The following CLCN5 variants were observed in gnomAD, a reference collection of about 807,000 sequenced individuals.
CLCN5 encodes Cl-/H+ antiporter 5.
In CLCN5, 17 loss-of-function variants were observed where a neutral mutation model predicts 54.0. The ratio of observed to expected loss-of-function variants is 0.31; its 90% CI spans 0.22 to 0.47. The LOEUF (loss-of-function observed/expected upper bound fraction) is 0.47, where lower values mean the gene tolerates loss of function less well. Ranked by LOEUF, CLCN5 falls within the 20% of genes least tolerant of loss-of-function variation. CLCN5 has a pLI of 1.00. For synonymous variants in CLCN5, 222 were observed against 233.0 expected, an observed-to-expected ratio of 0.95 and a Z score of 0.43; for missense variants, 448 against 646.7, an observed-to-expected ratio of 0.69 and a Z score of 3.33.
At chrX:50,065,447 CA>C (rs1278640856) in intron 4 of CLCN5, among the ~76,000 whole-genome samples, 2 of 87,630 alleles carry the variant, frequency 2.3e-5, no homozygotes, top group Non-Finnish European at 4.4e-5. Context: ...AAATGCAAAT[CA>C]AAACCACTAT....
intron 4 of CLCN5, among the ~76,000 whole-genome samples, chrX:50,058,079 A>C (rs1602096486): frequency 8.9e-6 from 1 of 112,039 alleles, no homozygotes; most frequent in African/African-American, 3.2e-5. Flanking sequence ...AATTTTTTGT[A>C]CATTTGGTTC....
chrX:49,959,421 T>C (rs1258118790), intron 3 of CLCN5, among the ~76,000 whole-genome samples: 2 of 112,281 alleles, frequency 1.8e-5, no homozygotes, highest in East Asian at 5.6e-4. Context: ...AAGCATGTTA[T>C]TTCCTGGCTG....
In CLCN5 at chrX:49,972,112, GGTGTGTGTGTGT is replaced by G. The variant is rs61157983; in HGVS notation, c.16+46835_16+46846del. 1.5e-3 allele frequency among the ~76,000 whole-genome samples: 126 copies of G among 86,589 alleles called. 1 individual carries two copies. The highest frequency in any genetic ancestry group is 5.8e-3 in the Middle Eastern group (1 of 173). The allele number at this position is 86,589 out of a possible 115,157, so 75.2% of individuals were successfully genotyped here. ...ATTTGCTTTATCATATGCATTCTCT[GGTGTGTGTGTGT>G]GTGTGTGTGTGTGTGTGTGTGTGTG... On this transcript the variant is annotated intron_variant, in intron 3 of 14. Transcript: ENST00000376091.
intron 3 of CLCN5, among the ~76,000 whole-genome samples, chrX:49,940,992 T>C: frequency 9.0e-6 from 1 of 111,720 alleles, no homozygotes; most frequent in Non-Finnish European, 1.9e-5. Context: ...ATACCATTAC[T>C]GGAAAGATTA....
intron 3 of CLCN5, among the ~76,000 whole-genome samples, chrX:49,979,153 AC>A (rs781905264): frequency 6.3e-5 from 7 of 111,637 alleles, no homozygotes; most frequent in African/African-American, 1.9e-4. Context: ...AGAAGGGAAT[AC>A]CTTCCCTACA....
At chrX:49,976,753 A>G (rs1232357562) in intron 3 of CLCN5, among the ~76,000 whole-genome samples, 1 of 111,783 alleles carries the variant, frequency 8.9e-6, no homozygotes, top group Non-Finnish European at 1.9e-5. Flanking sequence ...CTGCTGTCAC[A>G]ATAAATACCA....
intron 4 of CLCN5, among the ~76,000 whole-genome samples, chrX:50,047,946 G>A (rs1932450055): frequency 8.9e-6 from 1 of 111,907 alleles, no homozygotes; most frequent in Admixed American, 9.5e-5. Context: ...ATGTTTGCCA[G>A]GTTTATCCAC....
chrX:49,990,291 A>T (rs781995373), intron 3 of CLCN5, among the ~76,000 whole-genome samples: 1 of 110,002 alleles, frequency 9.1e-6, no homozygotes, highest in Non-Finnish European at 1.9e-5. Context: ...TAGCCTCCCA[A>T]GTAGCTGGGC....
chrX:49,984,371 C>T (rs782632776), intron 3 of CLCN5, among the ~76,000 whole-genome samples: 8 of 111,338 alleles, frequency 7.2e-5, no homozygotes, highest in Non-Finnish European at 1.3e-4. Context: ...CTATAATTTT[C>T]CTTGTGAGAT....
In CLCN5 at chrX:49,956,807, G is replaced by A. The variant is rs148671151; in HGVS notation, c.16+31493G>A. On this transcript the variant is annotated intron_variant, in intron 3 of 14. Coordinates refer to ENST00000376091, the MANE Select transcript of CLCN5 (RefSeq NM_001127898.4). ...ATCTTTTAAAAACTGCATACTTTGC[G>A]TTCCTTCTAGCGTTCTTTATATGAC... 2.4e-4 allele frequency among the ~76,000 whole-genome samples: 27 copies of A among 111,614 alleles called. No homozygotes were observed. In the East Asian group the frequency reaches 7.1e-3, roughly 29 times the overall value.
chrX:49,925,962 T>C (rs1261965230), intron 3 of CLCN5, among the ~76,000 whole-genome samples: 3 of 111,375 alleles, frequency 2.7e-5, no homozygotes, highest in African/African-American at 9.8e-5. Context: ...CTTTGGAGGG[T>C]TTAGGAGTCT....
intron 3 of CLCN5, among the ~76,000 whole-genome samples, chrX:49,939,444 G>A (rs1926200467): frequency 9.0e-6 from 1 of 111,327 alleles, no homozygotes; most frequent in African/African-American, 3.3e-5. Flanking sequence ...TACACGATGG[G>A]ATACTATGCA....
intron 3 of CLCN5, among the ~76,000 whole-genome samples, chrX:49,935,727 C>G (rs182477776): frequency 9.0e-6 from 1 of 111,047 alleles, no homozygotes; most frequent in South Asian, 3.9e-4. Context: ...AGGTGGAAAT[C>G]CCTGAGGTGG....
chrX:50,014,040 A>AT (rs1266808613), intron 3 of CLCN5, among the ~76,000 whole-genome samples: 1 of 111,960 alleles, frequency 8.9e-6, no homozygotes, highest in Non-Finnish European at 1.9e-5. Context: ...CTTCCTGTGA[A>AT]TACATGGGCT....
chrX:49,924,143 C>CTCTTTTTTTTTTTTTTT (rs1223722847), intron 2 of CLCN5, among the ~76,000 whole-genome samples: 1 of 92,391 alleles, frequency 1.1e-5, no homozygotes, highest in African/African-American at 5.1e-5. Flanking sequence ...TTCCTAGCTC[C>CTCTTTTTTTTTTTTTTT]TATTTTTTTT....
rs1399761549 is a variant in CLCN5 at position 50,053,703 on chromosome X, A to G, written c.163+11241A>G. Among the ~76,000 whole-genome samples, 5 of 111,684 alleles carry G rather than the reference A, an allele frequency of 4.5e-5. No homozygotes were observed. In the East Asian group the frequency reaches 1.1e-3, roughly 25 times the overall value. Reference sequence around the variant, plus strand: ...TGCATCCCTCAATGTTACTTCTCACATATATTATATTTTCATTTATTTCAA... The same window carrying G: ...TGCATCCCTCAATGTTACTTCTCACGTATATTATATTTTCATTTATTTCAA... On this transcript the variant is annotated intron_variant, in intron 4 of 14. Transcript: ENST00000376091.
chrX:50,063,451 T>G (rs1315390958), intron 4 of CLCN5, among the ~76,000 whole-genome samples: 1 of 108,166 alleles, frequency 9.2e-6, no homozygotes, highest in Non-Finnish European at 1.9e-5. Context: ...CTCCCAAGAC[T>G]AAACCAGGAA....
Position 50,080,600 on chromosome X carries a change from T to C in CLCN5, c.610T>C (p.Phe204Leu). The change falls in exon 8 of 15, where the codon TTT becomes CTT. Residue 204 changes from phenylalanine (F) to leucine (L), a missense_variant. By Grantham distance (22) the Phe-to-Leu change is conservative. Coordinates refer to ENST00000376091, the MANE Select transcript of CLCN5 (RefSeq NM_001127898.4). ...QLIISTDEGA[F>L]AYIVNYFMYV... ...CTTTTTCCCCCTGTTCCAGGGAGCC[T>C]TTGCCTACATAGTCAATTATTTCAT... 1 of 1,207,418 alleles carries C rather than the reference T, an allele frequency of 8.3e-7. No individual in the cohort carries two copies. Among genetic ancestry groups the C allele is most frequent in the East Asian group, 3.0e-5 (1 of 33,681 alleles).
At chrX:49,971,226 A>G (rs1928186447) in intron 3 of CLCN5, among the ~76,000 whole-genome samples, 1 of 103,863 alleles carries the variant, frequency 9.6e-6, no homozygotes, top group Admixed American at 1.1e-4. Context: ...ATATATATAT[A>G]TAAATATATA....
Sources: allele counts gnomAD v4.1 joint callset (sites outside exome capture counted in the v4.1 genomes callset), GRCh38; gene constraint gnomAD v4.1.1; transcripts MANE v1.5; gene names NCBI Gene and HGNC (gene_info 2026-07-23, HGNC 2026-07-21).